Variants in DGKH observed in about 807,000 individuals in gnomAD.
DGKH encodes diacylglycerol kinase eta, also known as DAG kinase eta.
Under a neutral mutation model 159.3 loss-of-function variants are expected in DGKH, and 90 were observed. That is an observed-to-expected ratio of 0.57 (90% CI 0.48 to 0.67). The LOEUF (loss-of-function observed/expected upper bound fraction) is 0.67, where lower values mean the gene tolerates loss of function less well. DGKH is among the 30% of genes least tolerant of loss of function. DGKH has a pLI of 0.00. For synonymous variants in DGKH, 536 were observed against 553.8 expected, an observed-to-expected ratio of 0.97 and a Z score of 0.45; for missense variants, 1,181 against 1,506.1, an observed-to-expected ratio of 0.78 and a Z score of 3.57.
At chr13:42,247,013 G>C (rs1958585661), downstream of DGKH, among the ~76,000 whole-genome samples, 1 of 152,112 alleles carries the variant, frequency 6.6e-6, no homozygotes, top group South Asian at 2.1e-4. Flanking sequence ...TTATAATGAA[G>C]CTGAAAACTT....
chr13:42,151,685 C>A lies in DGKH; in HGVS notation c.385-3606C>A, dbSNP rs568868487. On this transcript the variant is annotated intron_variant, in intron 3 of 29. Coordinates refer to ENST00000337343, the MANE Select transcript of DGKH (RefSeq NM_178009.5). ...TATCACATTTTCTTTATGCAATCAT[C>A]TGTTGATGGATACTGGATACTTAGG... Among the ~76,000 whole-genome samples, 19 of 150,856 alleles carry A rather than the reference C, an allele frequency of 1.3e-4. 2 individuals are homozygous for A. The South Asian group carries it at 3.0e-3, about 24-fold the overall frequency.
In DGKH at chr13:42,231,665, GAA is replaced by G. The variant is rs1958298083; in HGVS notation, c.*2480_*2481del. The G allele has an allele frequency of 2.0e-5, 3 of 152,146 alleles. No homozygotes were observed. The highest frequency in any genetic ancestry group is 2.9e-5 in the Non-Finnish European group (2 of 68,034). 9.4% of individuals were successfully genotyped at this position (152,146 alleles called of 1,614,324 possible). ...CACCCCCCATTCCCCTTTGCTAATA[GAA>G]AAGAGTCTAGCTATGATGTGTCCCA... On this transcript the variant is annotated 3_prime_UTR_variant, in exon 30 of 30. Coordinates refer to ENST00000337343, the MANE Select transcript of DGKH (RefSeq NM_178009.5).
chr13:42,127,566 A>T lies in DGKH; in HGVS notation c.296A>T (p.Asp99Val). The T allele has an allele frequency of 6.2e-7, 1 of 1,612,914 alleles. No homozygotes were observed. The highest frequency in any genetic ancestry group is 8.5e-7 in the Non-Finnish European group (1 of 1,179,170). The change falls in exon 2 of 30, where the codon GAC becomes GTC. Residue 99 changes from aspartate (D) to valine (V), a missense_variant. Asp to Val is a radical substitution (Grantham distance 152). Around this residue, in one of 5 missense-constraint regions of DGKH, gnomAD observed 369 missense variants for 519.4 expected, o/e 0.71. Coordinates refer to ENST00000337343, the MANE Select transcript of DGKH (RefSeq NM_178009.5). ...GGCCGCACCCTTTACTATGCAAAGG[A>T]CTCAAAGGTAACTCACGAGAATACT... is the stretch of plus-strand genomic sequence containing the variant. Reference protein sequence around the residue: ...LRGRTLYYAKDSKSLIFDEVD... With the variant: ...LRGRTLYYAKVSKSLIFDEVD...
chr13:42,132,400 C>A (rs1199710732), intron 3 of DGKH, among the ~76,000 whole-genome samples: 2 of 152,052 alleles, frequency 1.3e-5, no homozygotes, highest in Non-Finnish European at 2.9e-5. Context: ...AATTTTGTAT[C>A]CTTTAAGAGT....
chr13:42,092,117 C>T (rs1954430085), intron 1 of DGKH, among the ~76,000 whole-genome samples: 1 of 152,030 alleles, frequency 6.6e-6, no homozygotes, highest in African/African-American at 2.4e-5. Context: ...TAAGGGGAAC[C>T]CTTACACAAT....
At chr13:42,178,015 C>A in intron 12 of DGKH, 120 bp from the exon 13 acceptor site, 1 of 528,150 alleles carries the variant, frequency 1.9e-6, no homozygotes, top group Non-Finnish European at 3.1e-6. Flanking sequence ...TCATATATTT[C>A]ATTATAGTGA....
chr13:42,127,660 G>A, intron 2 of DGKH, 87 bp downstream of exon 2: 1 of 944,398 alleles, frequency 1.1e-6, no homozygotes, highest in Non-Finnish European at 1.7e-6. Flanking sequence ...TGTCTTGGAA[G>A]CGCACTGTAG....
downstream of DGKH, among the ~76,000 whole-genome samples, chr13:42,246,282 G>T (rs533012628): frequency 2.0e-5 from 3 of 152,088 alleles, no homozygotes; most frequent in East Asian, 3.9e-4. Context: ...GATACCAGCC[G>T]CAAGAATGAG....
In DGKH at chr13:42,087,093, AGAGTAGGCACAACAAT is replaced by A. The variant is rs1555259409; in HGVS notation, c.192+38129_192+38144del. On this transcript the variant is annotated intron_variant, in intron 1 of 29. Transcript: ENST00000337343. ...CACACACACACACACACCTCAGAAC[AGAGTAGGCACAACAAT>A]CCTTGAAGCTCATACAGAACTAGGA... Among the ~76,000 whole-genome samples the A allele has an allele frequency of 2.6e-3, 355 of 137,440 alleles. 1 individual carries two copies. Among genetic ancestry groups the A allele is most frequent in the Middle Eastern group, 7.7e-3 (2 of 260 alleles). The allele number at this position is 137,440 out of a possible 152,430, so 90.2% of individuals were successfully genotyped here.
At chr13:42,197,266 A>G (rs1482815692) in intron 17 of DGKH, among the ~76,000 whole-genome samples, 3 of 145,926 alleles carry the variant, frequency 2.1e-5, no homozygotes, top group African/African-American at 7.3e-5. Flanking sequence ...AAAAAAAAAA[A>G]AAAAGAAAGA....
intron 17 of DGKH, among the ~76,000 whole-genome samples, chr13:42,197,840 T>C (rs1235407306): frequency 1.3e-5 from 2 of 152,208 alleles, no homozygotes; most frequent in African/African-American, 4.8e-5. Flanking sequence ...TTGGGTTGAG[T>C]AGATCATAAA....
chr13:42,151,578 TACACACACACACACACACACAC>T (rs60281789), intron 3 of DGKH, among the ~76,000 whole-genome samples: 3 of 93,776 alleles, frequency 3.2e-5, no homozygotes, highest in East Asian at 4.9e-4. Context: ...CTTATATGTA[TACACACACACACACACACACAC>T]ACACACACAC....
chr13:42,155,814 A>C lies in DGKH; in HGVS notation c.622+15A>C, dbSNP rs1023186160. 2 of 1,613,884 alleles carry C rather than the reference A, an allele frequency of 1.2e-6. No homozygotes were observed. Among genetic ancestry groups the C allele is most frequent in the Non-Finnish European group, 8.5e-7 (1 of 1,179,924 alleles). On this transcript the variant is annotated intron_variant, in intron 5 of 29. Coordinates refer to ENST00000337343, the MANE Select transcript of DGKH (RefSeq NM_178009.5). ...GTCCTGCGAAGGTACTGTAGCACCT[A>C]GCATGTGTTTTCTCCCAACAGTAAC...
intron 29 of DGKH, among the ~76,000 whole-genome samples, chr13:42,251,949 GCA>G (rs758723593): frequency 1.3e-5 from 2 of 152,180 alleles, no homozygotes; most frequent in Non-Finnish European, 2.9e-5. Context: ...TCATCACGCT[GCA>G]CAAAGTTTGG....
At chr13:42,151,481 GT>G (rs1271672296) in intron 3 of DGKH, among the ~76,000 whole-genome samples, 6 of 33,284 alleles carry the variant, frequency 1.8e-4, no homozygotes, top group Admixed American at 3.0e-4. Context: ...ATTCCATGGT[GT>G]GTGTGTGTGT....
intron 17 of DGKH, among the ~76,000 whole-genome samples, 199 bp from the exon 18 acceptor site, chr13:42,198,279 T>A (rs1314138664): frequency 6.6e-6 from 1 of 152,226 alleles, no homozygotes; most frequent in Non-Finnish European, 1.5e-5. Context: ...AACATATAGA[T>A]CCTTGGAAGT....
At chr13:42,256,008 T>C (rs757909825) in intron 30 of DGKH, 164 of 1,565,916 alleles carry the variant, frequency 1.0e-4, no homozygotes, top group Non-Finnish European at 1.4e-4. Context: ...TGTAGTCTGA[T>C]GACGATAGCA....
At chr13:42,042,828 G>A (rs1477498611) in intron 1 of DGKH, among the ~76,000 whole-genome samples, 2 of 152,136 alleles carry the variant, frequency 1.3e-5, no homozygotes, top group African/African-American at 2.4e-5. Flanking sequence ...AAACCCTGTG[G>A]TCGTACAGAT....
intron 1 of DGKH, among the ~76,000 whole-genome samples, chr13:42,057,308 C>T (rs1881836193): frequency 6.6e-6 from 1 of 152,108 alleles, no homozygotes; most frequent in Admixed American, 6.5e-5. Flanking sequence ...TTTTACCTAG[C>T]TAGAGAATGA....
Sources: allele counts gnomAD v4.1 joint callset (sites outside exome capture counted in the v4.1 genomes callset), GRCh38; gene constraint gnomAD v4.1.1; regional missense constraint gnomAD v4.1.1; transcripts MANE v1.5; gene names NCBI Gene and HGNC (gene_info 2026-07-23, HGNC 2026-07-21).